SMC1A: variants seen among roughly 807,000 people sequenced by gnomAD.
SMC1A encodes structural maintenance of chromosomes protein 1A.
In SMC1A, 4 loss-of-function variants were observed where a neutral mutation model predicts 94.5. The observed-to-expected ratio is 0.04, with a 90% CI of 0.02 to 0.10. SMC1A has a LOEUF of 0.10. Among genes scored for constraint, SMC1A ranks in the 10% least tolerant of loss-of-function variants. The pLI is 1.00. For synonymous variants in SMC1A, 345 were observed against 347.7 expected, an observed-to-expected ratio of 0.99 and a Z score of 0.09; for missense variants, 304 against 989.0, an observed-to-expected ratio of 0.31 and a Z score of 9.29.
At position 53,377,834 on chromosome X, in the gene SMC1A, T is replaced by C. The variant is rs1556885418; in HGVS notation, c.*2269A>G. ...AACTTAGGCTCAGAGGTGAAGTAAC[T>C]TGCACAAGTTTCTACAGCTAGAATT... On this transcript the variant is annotated 3_prime_UTR_variant, in exon 25 of 25. Coordinates refer to ENST00000322213, the MANE Select transcript of SMC1A (RefSeq NM_006306.4). The C allele has an allele frequency of 8.9e-6, 1 of 112,148 alleles. No homozygotes were observed. Among genetic ancestry groups the C allele is most frequent in the Non-Finnish European group, 1.9e-5 (1 of 53,185 alleles). The allele number at this position is 112,148 out of a possible 1,213,427, so 9.2% of individuals were successfully genotyped here.
chrX:53,381,978 T>C, intron 22 of SMC1A: 2 of 430,940 alleles, frequency 4.6e-6, no homozygotes, highest in South Asian at 3.4e-5. Context: ...AGCAACCTCG[T>C]GAGCAAAAGC....
chrX:53,414,637 TG>T, intron 3 of SMC1A, 120 bp downstream of exon 3: 1 of 539,497 alleles, frequency 1.9e-6, no homozygotes, highest in Non-Finnish European at 3.3e-6. Flanking sequence ...GGAAGCTCAG[TG>T]AACAAGGTGC....
In SMC1A at chrX:53,378,033, C is replaced by T. The variant is rs2075567022; in HGVS notation, c.*2070G>A. The T allele has an allele frequency of 8.9e-6, 1 of 112,271 alleles. No homozygotes were observed. Among genetic ancestry groups the T allele is most frequent in the South Asian group, 3.7e-4 (1 of 2,717 alleles). 9.3% of individuals were successfully genotyped at this position (112,271 alleles called of 1,213,427 possible). Reference sequence around the variant, plus strand: ...ATTAGAAGAATACATAATTAGCACACATCAAACCTGTGATTTCACAGATAT... The same window carrying T: ...ATTAGAAGAATACATAATTAGCACATATCAAACCTGTGATTTCACAGATAT... On this transcript the variant is annotated 3_prime_UTR_variant, in exon 25 of 25. Coordinates refer to ENST00000322213, the MANE Select transcript of SMC1A (RefSeq NM_006306.4).
chrX:53,422,611 GCGCCGGCGGCAGTAGGACAGGCCGCGC>G lies in SMC1A; in HGVS notation c.-38_-12del. ...TTTCAGGAACCCCATGACGGCCGCG[GCGCCGGCGGCAGTAGGACAGGCCGCGC>G]CGTACGCCCGAGAACTGAGGTAGCC... is the stretch of plus-strand genomic sequence containing the variant. On this transcript the variant is annotated 5_prime_UTR_variant, in exon 1 of 25. Coordinates refer to ENST00000322213, the MANE Select transcript of SMC1A (RefSeq NM_006306.4). 2 of 1,126,697 alleles carry G rather than the reference GCGCCGGCGGCAGTAGGACAGGCCGCGC, an allele frequency of 1.8e-6. No individual in the cohort carries two copies. Among genetic ancestry groups the G allele is most frequent in the Admixed American group, 2.2e-5 (1 of 45,980 alleles). 92.9% of individuals were successfully genotyped at this position (1,126,697 alleles called of 1,213,427 possible).
At chrX:53,414,937 A>C in intron 2 of SMC1A, 44 bp downstream of exon 2, 1 of 1,199,820 alleles carries the variant, frequency 8.3e-7, no homozygotes, top group Non-Finnish European at 1.1e-6. Context: ...TAGTCTAGCC[A>C]CCTCCCAGGA....
chrX:53,410,231 G>A (rs1394445990), intron 7 of SMC1A, among the ~76,000 whole-genome samples: 4 of 111,446 alleles, frequency 3.6e-5, no homozygotes, highest in African/African-American at 1.3e-4. Context: ...ACGGTGGCTC[G>A]CGCCTGTAAT....
chrX:53,402,071 C>T (rs941035401), intron 15 of SMC1A, among the ~76,000 whole-genome samples: 1 of 111,240 alleles, frequency 9.0e-6, no homozygotes, highest in Non-Finnish European at 1.9e-5. Context: ...CACCATTGAT[C>T]ACACTGTCCT....
intron 15 of SMC1A, among the ~76,000 whole-genome samples, chrX:53,401,548 C>A (rs1381283908): frequency 9.0e-6 from 1 of 111,380 alleles, no homozygotes; most frequent in African/African-American, 3.3e-5. Flanking sequence ...ACACAGTATT[C>A]CAGTCTATAT....
In SMC1A at chrX:53,414,797, C is replaced by G. The variant is rs148835205; in HGVS notation, c.372G>C (p.Leu124Phe). The G allele has an allele frequency of 2.7e-5, 32 of 1,207,161 alleles. No homozygotes were observed. Among genetic ancestry groups the G allele is most frequent in the Non-Finnish European group, 3.5e-5 (31 of 892,613 alleles). The stretch of plus-strand genomic sequence containing the variant: ...AGTTACGAGCTTTGATGAGAATGCC[C>G]AACTTCTCTAATTCCTCACTGTACT... ...LHEYSEELEKLGILIKARNFL... is the reference protein window; with the variant it reads ...LHEYSEELEKFGILIKARNFL... Residue 124 changes from leucine to phenylalanine, a missense_variant, in exon 3 of 25, where the codon TTG becomes TTC. Around this residue, in one of 11 missense-constraint regions of SMC1A, gnomAD observed 120 missense variants for 314.9 expected, o/e 0.38. Transcript: ENST00000322213.
At chrX:53,389,808 A>C (rs1556886934) in intron 19 of SMC1A, among the ~76,000 whole-genome samples, 1 of 108,451 alleles carries the variant, frequency 9.2e-6, no homozygotes, top group Non-Finnish European at 1.9e-5. Flanking sequence ...TGTATCCTGC[A>C]ATATTTGCAA....
At position 53,380,108 on chromosome X, in the gene SMC1A, G is replaced by A; in HGVS notation, c.3697C>T (p.Gln1233Ter). The change falls in exon 25 of 25, where the codon CAG becomes TAG. Residue 1233 changes from glutamine (Q) to a stop codon, truncating the protein, a stop_gained. Transcript: ENST00000322213. LOFTEE classifies it high-confidence loss of function. ...YPDANPNPNE[Q>*] ...GCGGGAGGGCAAAAATACTGCTACT[G>A]CTCATTGGGGTTGGGGTTGGCATCT... The A allele has an allele frequency of 1.7e-6, 2 of 1,201,271 alleles. No individual in the cohort carries two copies. The highest frequency in any genetic ancestry group is 2.3e-6 in the Non-Finnish European group (2 of 886,823).
At chrX:53,394,734 CACCCA>C in intron 19 of SMC1A, 39 bp downstream of exon 19, 2 of 453,518 alleles carry the variant, frequency 4.4e-6, no homozygotes, top group Admixed American at 3.0e-5. Context: ...GTCCCACTCC[CACCCA>C]ACCCCCACCC....
chrX:53,409,605 A>G (rs1179323576), intron 7 of SMC1A, 102 bp from the exon 8 acceptor site: 2 of 643,342 alleles, frequency 3.1e-6, no homozygotes, highest in African/African-American at 4.3e-5. Flanking sequence ...CCAAGAGCCG[A>G]ACAGTCCAGG....
chrX:53,416,395 G>GT lies in SMC1A; in HGVS notation c.110-1227dup, dbSNP rs782543346. ...GGCTGGGAGGAGGGGAAAATGGGAGGTTTTTTTTTCTTTTGAGATGGAGTC... is the reference window on the plus strand; with the variant it reads ...GGCTGGGAGGAGGGGAAAATGGGAGGTTTTTTTTTTCTTTTGAGATGGAGTC... On this transcript the variant is annotated intron_variant, in intron 1 of 24. Coordinates refer to ENST00000322213, the MANE Select transcript of SMC1A (RefSeq NM_006306.4). 2.4e-4 allele frequency among the ~76,000 whole-genome samples: 25 copies of GT among 104,660 alleles called. No homozygotes were observed. In the South Asian group the frequency reaches 3.9e-3, roughly 16 times the overall value. 90.9% of individuals were successfully genotyped at this position (104,660 alleles called of 115,157 possible). A position where few individuals can be genotyped will look rare whatever the true frequency, so the allele number is the denominator to read the frequency against.
At position 53,399,734 on chromosome X, in the gene SMC1A, T is replaced by C. The variant is rs782673405; in HGVS notation, c.2421-4A>G. On this transcript the variant is annotated splice_region_variant and splice_polypyrimidine_tract_variant and intron_variant, in intron 15 of 24. Coordinates refer to ENST00000322213, the MANE Select transcript of SMC1A (RefSeq NM_006306.4). ...CTTCTGATTCTCAAACTCCAAACTGTGTATAAAGGTGGGGGGAGAATCACT... is the reference window on the plus strand; with the variant it reads ...CTTCTGATTCTCAAACTCCAAACTGCGTATAAAGGTGGGGGGAGAATCACT... 8.3e-7 allele frequency: 1 copy of C among 1,205,394 alleles called. No individual in the cohort carries two copies. Among genetic ancestry groups the C allele is most frequent in the Admixed American group, 2.2e-5 (1 of 45,615 alleles).
In SMC1A at chrX:53,380,239, G is replaced by C. The variant is rs1381905412; in HGVS notation, c.3619-53C>G. 3 of 930,028 alleles carry C rather than the reference G, an allele frequency of 3.2e-6. No individual in the cohort carries two copies. In the African/African-American group the frequency reaches 5.8e-5, roughly 18 times the overall value. 76.6% of individuals were successfully genotyped at this position (930,028 alleles called of 1,213,427 possible). ...TAAAATTGTAAGGAGAGAATTAAGA[G>C]GGGTCTAGTGCCCCAGGACCAGGGG... On this transcript the variant is annotated intron_variant, in intron 24 of 24. Transcript: ENST00000322213.
chrX:53,391,777 A>C (rs1238635680), intron 19 of SMC1A, among the ~76,000 whole-genome samples: 2 of 111,508 alleles, frequency 1.8e-5, no homozygotes, highest in Non-Finnish European at 3.8e-5. Flanking sequence ...GAGTCACCAC[A>C]CCTGGCCAAC....
intron 5 of SMC1A, 128 bp from the exon 6 acceptor site, chrX:53,412,381 G>GT (rs1477072910): frequency 1.1e-5 from 7 of 647,190 alleles, no homozygotes; most frequent in Non-Finnish European, 1.7e-5. Context: ...GAACATGGGC[G>GT]TAATGCCCCA....
rs201231838 is a variant in SMC1A, at chrX:53,380,974, G to A, written c.3507+44C>T. 1.2e-4 allele frequency: 130 copies of A among 1,111,030 alleles called. 1 individual carries two copies. The East Asian group carries it at 3.2e-3, about 27-fold the overall frequency. 91.6% of individuals were successfully genotyped at this position (1,111,030 alleles called of 1,213,427 possible). ...GAGTTGCTCCCTGAAACCCAACCCC[G>A]ACCTGGGGGCATCCCTCCCAGGCCC... is the stretch of plus-strand genomic sequence containing the variant. On this transcript the variant is annotated intron_variant, in intron 23 of 24. Coordinates refer to ENST00000322213, the MANE Select transcript of SMC1A (RefSeq NM_006306.4).
Sources: gnomAD v4.1 joint callset for allele counts (sites outside exome capture counted in the v4.1 genomes callset) on GRCh38, gnomAD v4.1.1 for gene constraint, gnomAD v4.1.1 regional missense constraint, MANE v1.5 for transcripts, NCBI Gene and HGNC (gene_info 2026-07-23, HGNC 2026-07-21) for gene names.